CADM2: variants seen among roughly 807,000 people sequenced by gnomAD.
CADM2 encodes the protein cell adhesion molecule 2, also known as immunoglobulin superfamily member 4D.
In CADM2, 12 loss-of-function variants were observed where a neutral mutation model predicts 49.8. The ratio of observed to expected loss-of-function variants is 0.24; its 90% CI spans 0.15 to 0.39. The LOEUF is 0.39. CADM2 is among the 10% of genes least tolerant of loss of function. CADM2 has a pLI of 1.00. For missense variants in CADM2, 378 were observed against 492.3 expected (o/e 0.77, Z 2.20); for synonymous variants, 214 against 175.4 (o/e 1.22, Z -1.74).
chr3:85,232,865 T>G (rs2042325983), intron 1 of CADM2, among the ~76,000 whole-genome samples: 1 of 152,162 alleles, frequency 6.6e-6, no homozygotes, highest in African/African-American at 2.4e-5. Flanking sequence ...ATAGGTTTAG[T>G]ATATAATTGG....
intron 1 of CADM2, among the ~76,000 whole-genome samples, chr3:85,667,146 A>G (rs1012912591): frequency 7.9e-5 from 12 of 151,998 alleles, no homozygotes; most frequent in East Asian, 3.9e-4. Context: ...AGCTTAATCC[A>G]TCTCCTTCTA....
At position 85,768,392 on chromosome 3, in the gene CADM2, T is replaced by C. The variant is rs7633557; in HGVS notation, c.89-33655T>C. Among the ~76,000 whole-genome samples the C allele has an allele frequency of 2.5e-3, 375 of 151,278 alleles. 1 individual carries two copies. Among genetic ancestry groups the C allele is most frequent in the African/African-American group, 8.8e-3 (364 of 41,222 alleles). Reference sequence around the variant, plus strand: ...ACCCAGGAAGCAGAGGTTGCAGTGATCCCAGATCGCACCATTGCACTCCAA... The same window carrying C: ...ACCCAGGAAGCAGAGGTTGCAGTGACCCCAGATCGCACCATTGCACTCCAA... On this transcript the variant is annotated intron_variant, in intron 2 of 9. Transcript: ENST00000383699.
At position 85,015,161 on chromosome 3, in the gene CADM2, G is replaced by A. The variant is rs114429117; in HGVS notation, c.61+55493G>A. Reference sequence around the variant, plus strand: ...CATATATGTGTATATATGGGTATGTGTATATATATATAATAGATGTGTAAT... The same window carrying A: ...CATATATGTGTATATATGGGTATGTATATATATATATAATAGATGTGTAAT... On this transcript the variant is annotated intron_variant, in intron 1 of 9. Transcript: ENST00000383699. Among the ~76,000 whole-genome samples, 929 of 151,478 alleles carry A rather than the reference G, an allele frequency of 6.1e-3. 15 individuals are homozygous for A. The highest frequency in any genetic ancestry group is 0.022 in the African/African-American group (889 of 41,346).
intron 1 of CADM2, among the ~76,000 whole-genome samples, chr3:85,030,402 A>G (rs2107322050): frequency 6.6e-6 from 1 of 152,336 alleles, no homozygotes; most frequent in African/African-American, 2.4e-5. Context: ...ACTGGTAAAG[A>G]CAATGCCAAG....
At chr3:85,398,132 A>G (rs145494583) in intron 1 of CADM2, among the ~76,000 whole-genome samples, 1 of 151,922 alleles carries the variant, frequency 6.6e-6, no homozygotes, top group African/African-American at 2.4e-5. Context: ...CATTAGGTAT[A>G]TCTCCTAATG....
intron 1 of CADM2, among the ~76,000 whole-genome samples, chr3:85,092,492 C>G (rs2037634659): frequency 6.6e-6 from 1 of 152,102 alleles, no homozygotes; most frequent in Non-Finnish European, 1.5e-5. Context: ...TTTAGCACTG[C>G]TCCTGATCCA....
chr3:85,020,667 G>T (rs183466205), intron 1 of CADM2, among the ~76,000 whole-genome samples: 79 of 151,942 alleles, frequency 5.2e-4, no homozygotes, highest in African/African-American at 1.8e-3. Flanking sequence ...TGAGAATACC[G>T]CTGTATAACA....
intron 1 of CADM2, among the ~76,000 whole-genome samples, chr3:85,142,166 A>G (rs2039596360): frequency 6.6e-6 from 1 of 152,216 alleles, no homozygotes. Flanking sequence ...CTGCAACAAC[A>G]TAAAACAATT....
chr3:85,436,616 C>G (rs1410410870), intron 1 of CADM2, among the ~76,000 whole-genome samples: 3 of 152,090 alleles, frequency 2.0e-5, no homozygotes, highest in Admixed American at 1.3e-4. Flanking sequence ...AATAAATTTA[C>G]TTTTATGTTA....
chr3:85,605,473 A>G (rs1171894752), intron 1 of CADM2, among the ~76,000 whole-genome samples: 1 of 152,076 alleles, frequency 6.6e-6, no homozygotes. Context: ...TAGGGCTCGT[A>G]TGGTCCAATC....
At chr3:85,648,992 A>G (rs1302157581) in intron 1 of CADM2, among the ~76,000 whole-genome samples, 1 of 152,088 alleles carries the variant, frequency 6.6e-6, no homozygotes, top group Non-Finnish European at 1.5e-5. Context: ...GTTTTTGTAA[A>G]TTCCTCTTGT....
intron 1 of CADM2, among the ~76,000 whole-genome samples, chr3:85,683,709 AAAAT>A (rs1195628035): frequency 6.6e-6 from 1 of 152,186 alleles, no homozygotes; most frequent in Non-Finnish European, 1.5e-5. Context: ...TACAAGTAGG[AAAAT>A]AAAGTATTTT....
At chr3:85,737,900 C>T (rs1029541980) in intron 2 of CADM2, among the ~76,000 whole-genome samples, 10 of 152,012 alleles carry the variant, frequency 6.6e-5, no homozygotes, top group Non-Finnish European at 1.5e-5. Context: ...CTTGGCCAAG[C>T]AAAAATTACC....
At chr3:84,989,032 G>C (rs2032745950) in intron 1 of CADM2, among the ~76,000 whole-genome samples, 2 of 152,130 alleles carry the variant, frequency 1.3e-5, no homozygotes, top group African/African-American at 4.8e-5. Context: ...TCCAGTTAAG[G>C]TGCCATTCAT....
intron 1 of CADM2, among the ~76,000 whole-genome samples, chr3:85,546,279 C>T (rs968638017): frequency 6.6e-6 from 1 of 152,130 alleles, no homozygotes; most frequent in African/African-American, 2.4e-5. Flanking sequence ...AATTAATCAC[C>T]TGCGGTGATA....
At chr3:85,758,678 A>G (rs1296591833) in intron 2 of CADM2, among the ~76,000 whole-genome samples, 1 of 152,164 alleles carries the variant, frequency 6.6e-6, no homozygotes, top group Non-Finnish European at 1.5e-5. Context: ...AAAGACAAAT[A>G]TTACTAAATA....
chr3:85,282,361 A>G (rs1191425138), intron 1 of CADM2, among the ~76,000 whole-genome samples: 1 of 148,514 alleles, frequency 6.7e-6, no homozygotes, highest in Non-Finnish European at 1.5e-5. Context: ...TCTCTGGGTC[A>G]AGTGATTCTC....
intron 1 of CADM2, among the ~76,000 whole-genome samples, chr3:85,548,650 G>A (rs1240745990): frequency 6.6e-6 from 1 of 152,124 alleles, no homozygotes; most frequent in East Asian, 1.9e-4. Context: ...CTTAAAGACA[G>A]TTTTAAGGCT....
At chr3:85,401,056 C>T (rs2035082591) in intron 1 of CADM2, among the ~76,000 whole-genome samples, 1 of 152,144 alleles carries the variant, frequency 6.6e-6, no homozygotes, top group South Asian at 2.1e-4. Flanking sequence ...TGATGATTTC[C>T]TTTTGAAAAA....
Sources: allele counts gnomAD v4.1 joint callset (sites outside exome capture counted in the v4.1 genomes callset), GRCh38; gene constraint gnomAD v4.1.1; transcripts MANE v1.5; gene names NCBI Gene and HGNC (gene_info 2026-07-23, HGNC 2026-07-21).